Variants in GABRB1 observed in about 807,000 individuals in gnomAD.
GABRB1 encodes gamma-aminobutyric acid receptor subunit beta-1.
In GABRB1, 17 loss-of-function variants were observed where a neutral mutation model predicts 51.6. The observed-to-expected ratio is 0.33, with a 90% CI of 0.23 to 0.49. The LOEUF is 0.49. Among genes scored for constraint, GABRB1 ranks in the 20% least tolerant of loss-of-function variants. The pLI is 0.99. For missense variants in GABRB1, 410 were observed against 600.6 expected (o/e 0.68, Z 3.32); for synonymous variants, 247 against 218.9 (o/e 1.13, Z -1.14).
intron 3 of GABRB1, among the ~76,000 whole-genome samples, chr4:47,083,034 T>C (rs1164420049): frequency 2.0e-5 from 3 of 152,168 alleles, no homozygotes; most frequent in Non-Finnish European, 4.4e-5. Context: ...CCTCCTCTGC[T>C]AAAGTGCTAC....
At chr4:47,086,377 G>C (rs1728062006) in intron 3 of GABRB1, among the ~76,000 whole-genome samples, 1 of 151,952 alleles carries the variant, frequency 6.6e-6, no homozygotes. Context: ...AAATTCTTAA[G>C]ATACCTTATC....
chr4:46,994,914 T>A (rs1182818897), intron 1 of GABRB1, among the ~76,000 whole-genome samples: 1 of 152,150 alleles, frequency 6.6e-6, no homozygotes, highest in Admixed American at 6.5e-5. Flanking sequence ...TTTTTTTGTG[T>A]GTTTTAAACG....
At chr4:47,211,176 G>C (rs1024767576) in intron 4 of GABRB1, among the ~76,000 whole-genome samples, 4 of 152,030 alleles carry the variant, frequency 2.6e-5, no homozygotes, top group African/African-American at 9.7e-5. Flanking sequence ...ATCGGTTTTG[G>C]TGACATGAAT....
At chr4:47,070,164 T>C (rs1727265343) in intron 3 of GABRB1, among the ~76,000 whole-genome samples, 1 of 152,028 alleles carries the variant, frequency 6.6e-6, no homozygotes, top group Non-Finnish European at 1.5e-5. Context: ...GCCTCCCAAG[T>C]AGCTGGGACT....
chr4:47,410,278 AG>A (rs1728717256), intron 8 of GABRB1, among the ~76,000 whole-genome samples: 1 of 152,240 alleles, frequency 6.6e-6, no homozygotes. Context: ...ATATTAAAAC[AG>A]GGCAGAGTAC....
chr4:47,264,891 A>G (rs1355927176), intron 4 of GABRB1, among the ~76,000 whole-genome samples: 2 of 152,180 alleles, frequency 1.3e-5, no homozygotes, highest in Non-Finnish European at 2.9e-5. Context: ...CTAGAATTTT[A>G]TATACAGGGA....
intron 3 of GABRB1, among the ~76,000 whole-genome samples, chr4:47,124,950 A>G (rs1292172215): frequency 6.6e-6 from 1 of 152,214 alleles, no homozygotes; most frequent in African/African-American, 2.4e-5. Context: ...CAAAAAAATA[A>G]TGGGAGGGGT....
intron 3 of GABRB1, among the ~76,000 whole-genome samples, chr4:47,071,005 G>GTCCT (rs1727313655): frequency 6.6e-6 from 1 of 152,124 alleles, no homozygotes; most frequent in Non-Finnish European, 1.5e-5. Context: ...CCGCTACTGT[G>GTCCT]ACCTAGACTT....
chr4:47,393,362 T>C (rs1728073222), intron 5 of GABRB1, among the ~76,000 whole-genome samples: 1 of 152,128 alleles, frequency 6.6e-6, no homozygotes, highest in South Asian at 2.1e-4. Flanking sequence ...CAGGTAAAAT[T>C]CAACATGGTT....
intron 5 of GABRB1, among the ~76,000 whole-genome samples, chr4:47,354,294 T>C (rs1218592414): frequency 6.6e-6 from 1 of 152,220 alleles, no homozygotes; most frequent in Admixed American, 6.5e-5. Flanking sequence ...TATACTTATA[T>C]TTACTGTTCA....
At chr4:47,001,410 G>A (rs1724211523) in intron 1 of GABRB1, among the ~76,000 whole-genome samples, 2 of 152,276 alleles carry the variant, frequency 1.3e-5, no homozygotes, top group Admixed American at 6.5e-5. Flanking sequence ...CCAAAGTGCT[G>A]GAATTACAGG....
At chr4:47,026,502 A>T (rs946908646) in intron 1 of GABRB1, among the ~76,000 whole-genome samples, 2 of 152,108 alleles carry the variant, frequency 1.3e-5, no homozygotes, top group African/African-American at 4.8e-5. Context: ...ATTAACACAG[A>T]TATAAATGGC....
chr4:47,409,573 G>A (rs1368387368), intron 8 of GABRB1, among the ~76,000 whole-genome samples: 1 of 152,114 alleles, frequency 6.6e-6, no homozygotes, highest in African/African-American at 2.4e-5. Flanking sequence ...CCAGGATTCG[G>A]GGTTTATATG....
intron 3 of GABRB1, among the ~76,000 whole-genome samples, chr4:47,035,557 T>C (rs1257393043): frequency 1.3e-5 from 2 of 152,168 alleles, no homozygotes; most frequent in Non-Finnish European, 2.9e-5. Flanking sequence ...TTTTCTAAAC[T>C]GTCATCTTAA....
intron 5 of GABRB1, among the ~76,000 whole-genome samples, chr4:47,393,298 A>C (rs1486733576): frequency 6.6e-6 from 1 of 152,240 alleles, no homozygotes; most frequent in Non-Finnish European, 1.5e-5. Flanking sequence ...AATGATGAGA[A>C]TCAGTCCTTG....
rs576616732 is a variant in GABRB1 at position 47,163,196 on chromosome 4, A to G, written c.461+1727A>G. On this transcript the variant is annotated intron_variant, in intron 4 of 8. Coordinates refer to ENST00000295454, the MANE Select transcript of GABRB1 (RefSeq NM_000812.4). ...CAGTTGTATAGTATATCAGTTGTAT[A>G]GTAATGGGCTAATACCCCCTTACTC... 6.2e-4 allele frequency among the ~76,000 whole-genome samples: 94 copies of G among 152,196 alleles called. No individual in the cohort carries two copies. The South Asian group carries it at 0.018, about 30-fold the overall frequency.
intron 8 of GABRB1, among the ~76,000 whole-genome samples, chr4:47,418,339 C>T (rs909791830): frequency 2.0e-5 from 3 of 152,188 alleles, no homozygotes; most frequent in African/African-American, 7.2e-5. Context: ...AATCTTTAGC[C>T]TGAAATCTGC....
At chr4:47,105,057 T>C (rs1714900120) in intron 3 of GABRB1, among the ~76,000 whole-genome samples, 1 of 152,092 alleles carries the variant, frequency 6.6e-6, no homozygotes, top group African/African-American at 2.4e-5. Flanking sequence ...AGTTAAATAT[T>C]ATTTGTTCCA....
chr4:47,253,603 C>T (rs1307937784), intron 4 of GABRB1, among the ~76,000 whole-genome samples: 1 of 152,078 alleles, frequency 6.6e-6, no homozygotes, highest in Non-Finnish European at 1.5e-5. Context: ...GAATTATACC[C>T]CAAACACCAC....
Sources: allele counts gnomAD v4.1 joint callset (sites outside exome capture counted in the v4.1 genomes callset), GRCh38; gene constraint gnomAD v4.1.1; transcripts MANE v1.5; gene names NCBI Gene and HGNC (gene_info 2026-07-23, HGNC 2026-07-21).